Variants in ITPR1 observed in about 807,000 individuals in gnomAD.
ITPR1 encodes the protein inositol 1,4,5-trisphosphate-gated calcium channel ITPR1.
Under a neutral mutation model 318.4 loss-of-function variants are expected in ITPR1, and 96 were observed. The observed-to-expected ratio is 0.30, with a 90% CI of 0.26 to 0.36. The LOEUF (loss-of-function observed/expected upper bound fraction) is 0.36, where lower values mean the gene tolerates loss of function less well. Among genes scored for constraint, ITPR1 ranks in the 10% least tolerant of loss-of-function variants. The pLI is 1.00. For synonymous variants in ITPR1, 1,312 were observed against 1,289.9 expected, an observed-to-expected ratio of 1.02 and a Z score of -0.37; for missense variants, 2,440 against 3,460.2, an observed-to-expected ratio of 0.71 and a Z score of 7.40.
chr3:4,807,558 A>G (rs1021033834), intron 55 of ITPR1, among the ~76,000 whole-genome samples: 1 of 152,022 alleles, frequency 6.6e-6, no homozygotes, highest in African/African-American at 2.4e-5. Flanking sequence ...CAGCTATTTT[A>G]TTGTCTTTGT....
intron 4 of ITPR1, among the ~76,000 whole-genome samples, chr3:4,590,340 A>T (rs897025211): frequency 6.6e-6 from 1 of 151,652 alleles, no homozygotes; most frequent in African/African-American, 2.4e-5. Context: ...TGATACCTGG[A>T]ACAGTGTCTG....
chr3:4,827,226 G>A (rs1255120855), intron 60 of ITPR1, among the ~76,000 whole-genome samples: 3 of 152,174 alleles, frequency 2.0e-5, no homozygotes, highest in Non-Finnish European at 4.4e-5. Context: ...TGCCCGGCTT[G>A]CCCTTTACTT....
At chr3:4,587,423 A>G (rs892883481) in intron 4 of ITPR1, among the ~76,000 whole-genome samples, 3 of 152,044 alleles carry the variant, frequency 2.0e-5, no homozygotes, top group Non-Finnish European at 4.4e-5. Context: ...GGTGCATGCC[A>G]CCATGCCCCG....
chr3:4,799,081 T>A (rs571606581), intron 53 of ITPR1, among the ~76,000 whole-genome samples: 14 of 152,344 alleles, frequency 9.2e-5, no homozygotes, highest in African/African-American at 3.4e-4. Context: ...TTAAAATGCA[T>A]GGATTTTTTA....
chr3:4,786,085 T>G (rs2047180649), intron 51 of ITPR1, among the ~76,000 whole-genome samples: 1 of 152,200 alleles, frequency 6.6e-6, no homozygotes, highest in South Asian at 2.1e-4. Flanking sequence ...CCTTGTCTAC[T>G]CCTCCTTTCC....
At chr3:4,733,314 A>G in intron 43 of ITPR1, 94 bp downstream of exon 43, 1 of 1,431,898 alleles carries the variant, frequency 7.0e-7, no homozygotes, top group Non-Finnish European at 9.6e-7. Flanking sequence ...TGCTCACAAC[A>G]GATGAATTTG....
intron 35 of ITPR1, among the ~76,000 whole-genome samples, chr3:4,701,004 T>C (rs1045368480): frequency 6.6e-5 from 10 of 152,144 alleles, no homozygotes; most frequent in African/African-American, 2.2e-4. Flanking sequence ...TCCCACAACA[T>C]GTGGGAATTG....
chr3:4,574,495 A>G (rs2088409446), intron 4 of ITPR1, among the ~76,000 whole-genome samples: 1 of 152,222 alleles, frequency 6.6e-6, no homozygotes, highest in Non-Finnish European at 1.5e-5. Flanking sequence ...CTTGTAAAAT[A>G]TACCAAAATA....
chr3:4,740,694 C>G (rs1297099686), intron 44 of ITPR1, among the ~76,000 whole-genome samples: 59 of 152,302 alleles, frequency 3.9e-4, no homozygotes, highest in African/African-American at 1.2e-3. Flanking sequence ...ATGGTGATAA[C>G]ATCTGAGGGT....
intron 44 of ITPR1, among the ~76,000 whole-genome samples, chr3:4,748,191 A>G (rs1399375957): frequency 6.6e-6 from 1 of 152,220 alleles, no homozygotes; most frequent in East Asian, 1.9e-4. Context: ...ATTTGAACAC[A>G]AGGCCCTCAG....
intron 4 of ITPR1, among the ~76,000 whole-genome samples, chr3:4,585,839 A>T (rs1479453352): frequency 2.0e-5 from 3 of 152,088 alleles, no homozygotes; most frequent in Non-Finnish European, 4.4e-5. Flanking sequence ...TTACATAGGT[A>T]TTCACGTGCC....
Position 4,710,233 on chromosome 3 carries a change from G to A in ITPR1, c.4843-92G>A. On this transcript the variant is annotated intron_variant, in intron 37 of 61. Transcript: ENST00000649015. This position sits in a 1 kb window ranked among gnomAD's most constrained non-coding sequence, Gnocchi z 4.2. The stretch of plus-strand genomic sequence containing the variant: ...AGTTACTCTAACCTAGCCTACCCGT[G>A]CATCAGTGTTTTAGGGCAGAAATCA... 8.2e-7 allele frequency: 1 copy of A among 1,223,396 alleles called. No individual in the cohort carries two copies. The highest frequency in any genetic ancestry group is 2.7e-5 in the East Asian group (1 of 36,618). 75.8% of individuals were successfully genotyped at this position (1,223,396 alleles called of 1,614,324 possible).
At chr3:4,582,363 C>A (rs2089442998) in intron 4 of ITPR1, among the ~76,000 whole-genome samples, 1 of 152,196 alleles carries the variant, frequency 6.6e-6, no homozygotes, top group South Asian at 2.1e-4. Context: ...CCCCGCCACC[C>A]CAGCCTGAGT....
intron 47 of ITPR1, 68 bp downstream of exon 47, chr3:4,775,510 G>A (rs1374358367): frequency 4.1e-6 from 5 of 1,234,336 alleles, no homozygotes; most frequent in Non-Finnish European, 4.7e-6. Flanking sequence ...ATAGAGACTA[G>A]TTCAGAAATC....
At chr3:4,567,529 T>C (rs1249304810) in intron 4 of ITPR1, among the ~76,000 whole-genome samples, 2 of 152,124 alleles carry the variant, frequency 1.3e-5, no homozygotes, top group African/African-American at 4.8e-5. Flanking sequence ...AAGATGACAG[T>C]CAACCACGTG....
chr3:4,826,192 G>A lies in ITPR1; in HGVS notation c.8028+7950G>A, dbSNP rs2050065472. 6.6e-6 allele frequency among the ~76,000 whole-genome samples: 1 copy of A among 152,244 alleles called. No individual in the cohort carries two copies. Among genetic ancestry groups the A allele is most frequent in the Non-Finnish European group, 1.5e-5 (1 of 68,042 alleles). On this transcript the variant is annotated intron_variant, in intron 60 of 61. Transcript: ENST00000649015. The surrounding 1 kb of genome is among the most constrained non-coding windows in gnomAD (Gnocchi z 4.2). ...GTGCAGATGCACGATGATGGGTTTG[G>A]GCTTTTATTCTGAATTCCAGTGAGG... is the stretch of plus-strand genomic sequence containing the variant.
At chr3:4,765,766 T>C (rs1302448934) in intron 44 of ITPR1, among the ~76,000 whole-genome samples, 4 of 152,218 alleles carry the variant, frequency 2.6e-5, no homozygotes, top group African/African-American at 9.6e-5. Flanking sequence ...ATAAATGAAG[T>C]TGAGACACCA....
chr3:4,566,804 G>C (rs1275440388), intron 4 of ITPR1, among the ~76,000 whole-genome samples: 1 of 152,032 alleles, frequency 6.6e-6, no homozygotes, highest in Non-Finnish European at 1.5e-5. Context: ...TATTCTGTTG[G>C]CACCAAGAGT....
At chr3:4,543,947 T>C (rs2084718911) in intron 4 of ITPR1, among the ~76,000 whole-genome samples, 1 of 152,234 alleles carries the variant, frequency 6.6e-6, no homozygotes, top group Admixed American at 6.5e-5. Flanking sequence ...TTCTTGTCAC[T>C]TCATGGTTAC....
Sources: gnomAD v4.1 joint callset for allele counts (sites outside exome capture counted in the v4.1 genomes callset) on GRCh38, gnomAD v4.1.1 for gene constraint, Gnocchi (gnomAD v3.1) non-coding constraint, MANE v1.5 for transcripts, NCBI Gene and HGNC (gene_info 2026-07-23, HGNC 2026-07-21) for gene names.